TAB2: variants seen among roughly 807,000 people sequenced by gnomAD.
TAB2 encodes the protein TGF-beta-activated kinase 1 and MAP3K7-binding protein 2.
Under a neutral mutation model 65.0 loss-of-function variants are expected in TAB2, and 3 were observed. The ratio of observed to expected loss-of-function variants is 0.05; its 90% confidence interval spans 0.02 to 0.12. TAB2 has a LOEUF of 0.12. Ranked by LOEUF, TAB2 falls within the 10% of genes least tolerant of loss-of-function variation. The pLI, the probability that TAB2 is intolerant of heterozygous loss-of-function variation, is 1.00. For synonymous variants in TAB2, 298 were observed against 285.1 expected, an observed-to-expected ratio of 1.05 and a Z score of -0.46; for missense variants, 623 against 840.3, an observed-to-expected ratio of 0.74 and a Z score of 3.20.
In TAB2 at chr6:149,379,096, C is replaced by T. The variant is rs1303270016; in HGVS notation, c.1181C>T (p.Ala394Val). The T allele has an allele frequency of 6.2e-7, 1 of 1,614,032 alleles. No individual in the cohort carries two copies. Among genetic ancestry groups the T allele is most frequent in the Non-Finnish European group, 8.5e-7 (1 of 1,180,042 alleles). ...QPKVYISANA[A>V]TGDEQVMRNQ... ...AAGGTCTATATTTCAGCGAATGCTG[C>T]CACAGGAGATGAACAGGTCATGCGG... Residue 394 changes from alanine (A) to valine (V), a missense_variant, in exon 3 of 7, where the codon GCC becomes GTC. Transcript: ENST00000637181.
rs180941878 is a variant in TAB2 at position 149,379,665 on chromosome 6, A to T, written c.1603+147A>T. The T allele has an allele frequency of 7.7e-4, 417 of 544,634 alleles. 5 individuals are homozygous for T. Among genetic ancestry groups the T allele is most frequent in the Non-Finnish European group, 4.5e-5 (15 of 334,472 alleles). The allele number at this position is 544,634 out of a possible 1,614,324, so 33.7% of individuals were successfully genotyped here. ...TGTTATTGTAACATTTGAGAGTATT[A>T]TATGTATATACATTTTAATTTTAAT... On this transcript the variant is annotated intron_variant, in intron 3 of 6. Coordinates refer to ENST00000637181, the MANE Select transcript of TAB2 (RefSeq NM_001292034.3).
chr6:149,300,243 T>TA (rs1562405220), intron 1 of TAB2, among the ~76,000 whole-genome samples: 2 of 152,198 alleles, frequency 1.3e-5, no homozygotes, highest in Non-Finnish European at 2.9e-5. Flanking sequence ...ATTCTGATTT[T>TA]AAAAAATTTT....
chr6:149,315,544 TTAATC>T (rs1397679967), upstream of TAB2, among the ~76,000 whole-genome samples: 1 of 152,246 alleles, frequency 6.6e-6, no homozygotes, highest in Non-Finnish European at 1.5e-5. Flanking sequence ...ATACAATTCT[TTAATC>T]TACAGCCCAT....
chr6:149,268,299 C>A (rs1778300470), intron 1 of TAB2, among the ~76,000 whole-genome samples: 1 of 152,094 alleles, frequency 6.6e-6, no homozygotes, highest in Admixed American at 6.6e-5. Context: ...AGCATTCCAG[C>A]AACAAAAAAG....
At chr6:149,274,530 T>C (rs1778419622) in intron 1 of TAB2, among the ~76,000 whole-genome samples, 1 of 152,184 alleles carries the variant, frequency 6.6e-6, no homozygotes, top group Non-Finnish European at 1.5e-5. Context: ...ATGGGATGCC[T>C]AAGAAGTTAC....
chr6:149,282,019 T>G (rs1469496981), intron 1 of TAB2, among the ~76,000 whole-genome samples: 2 of 152,148 alleles, frequency 1.3e-5, no homozygotes, highest in African/African-American at 4.8e-5. Context: ...ACCAGCTGGA[T>G]CGCAGGCATG....
intron 1 of TAB2, among the ~76,000 whole-genome samples, chr6:149,353,315 G>T (rs917962701): frequency 1.3e-5 from 2 of 152,094 alleles, no homozygotes; most frequent in African/African-American, 4.8e-5. Flanking sequence ...TCTTTTACTA[G>T]GTAACGCAGG....
chr6:149,326,169 A>G (rs1196306713), intron 1 of TAB2, among the ~76,000 whole-genome samples: 4 of 152,220 alleles, frequency 2.6e-5, no homozygotes, highest in African/African-American at 7.2e-5. Flanking sequence ...ATAGCATTCA[A>G]TACTAATTAT....
At chr6:149,253,960 AAG>A (rs1374774386) in intron 1 of TAB2, among the ~76,000 whole-genome samples, 1 of 47,088 alleles carries the variant, frequency 2.1e-5, no homozygotes, top group Non-Finnish European at 4.3e-5. Flanking sequence ...AAGAAAGAAA[AAG>A]AAAGAAAGAA....
At chr6:149,387,875 G>A (rs1781855837) in intron 3 of TAB2, among the ~76,000 whole-genome samples, 1 of 152,114 alleles carries the variant, frequency 6.6e-6, no homozygotes, top group African/African-American at 2.4e-5. Flanking sequence ...TGGCTGCATA[G>A]TATTGTGTAC....
At chr6:149,317,520 C>T (rs1779288891), upstream of TAB2, 1 of 156,654 alleles carries the variant, frequency 6.4e-6, no homozygotes, top group South Asian at 1.6e-4. This position sits in a 1 kb window ranked among gnomAD's most constrained non-coding sequence, Gnocchi z 4.7. Flanking sequence ...GCGGTGTTTG[C>T]CGGCCGCCGC....
At chr6:149,383,014 G>T (rs558087054) in intron 3 of TAB2, among the ~76,000 whole-genome samples, 102 of 152,124 alleles carry the variant, frequency 6.7e-4, no homozygotes, top group Middle Eastern at 3.4e-3. Context: ...AATTAGCTGG[G>T]TGTGGTGGCG....
At chr6:149,224,099 C>G (rs541533576) in intron 1 of TAB2, among the ~76,000 whole-genome samples, 1 of 152,286 alleles carries the variant, frequency 6.6e-6, no homozygotes, top group Admixed American at 6.5e-5. Flanking sequence ...ATGTTGGACC[C>G]AGTTCCAAAG....
chr6:149,382,650 C>T lies in TAB2; in HGVS notation c.1603+3132C>T, dbSNP rs140423959. On this transcript the variant is annotated intron_variant, in intron 3 of 6. Transcript: ENST00000637181. ...TTAGAGAAGCCCACAATGTTAACCA[C>T]TATCATATAATGTCTTTCTTTCCAG... Among the ~76,000 whole-genome samples, 7 of 152,142 alleles carry T rather than the reference C, an allele frequency of 4.6e-5. No homozygotes were observed. In the East Asian group the frequency reaches 1.3e-3, roughly 29 times the overall value.
chr6:149,254,033 A>G (rs12195021), intron 1 of TAB2, among the ~76,000 whole-genome samples: 2 of 149,028 alleles, frequency 1.3e-5, no homozygotes, highest in African/African-American at 2.5e-5. Context: ...AAAAGAAAGA[A>G]AGAGAGAAAG....
intron 1 of TAB2, among the ~76,000 whole-genome samples, chr6:149,360,059 A>G (rs1157933498): frequency 6.6e-6 from 1 of 152,198 alleles, no homozygotes; most frequent in Non-Finnish European, 1.5e-5. Flanking sequence ...TATAGTTTGT[A>G]TACTCCGTTT....
intron 6 of TAB2, among the ~76,000 whole-genome samples, chr6:149,401,998 TAA>T (rs147141394): frequency 5.1e-4 from 68 of 134,402 alleles, no homozygotes; most frequent in Admixed American, 1.2e-3. Flanking sequence ...AATACTACAT[TAA>T]AAAAAAAAAA....
At chr6:149,396,206 C>T (rs9404035) in intron 3 of TAB2, among the ~76,000 whole-genome samples, 18,570 of 152,114 alleles carry the variant, frequency 0.12, 1,735 homozygotes, top group East Asian at 0.51. Flanking sequence ...TTAGTAGAAA[C>T]GAGGTTTCAC....
intron 2 of TAB2, among the ~76,000 whole-genome samples, chr6:149,377,070 A>ATT (rs369685969): frequency 0.062 from 5,550 of 89,614 alleles, 253 homozygotes; most frequent in African/African-American, 0.21. Flanking sequence ...AATGTAACTT[A>ATT]TTTTTTTTTT....
Sources: gnomAD v4.1 joint callset for allele counts (sites outside exome capture counted in the v4.1 genomes callset) on GRCh38, gnomAD v4.1.1 for gene constraint, Gnocchi (gnomAD v3.1) non-coding constraint, MANE v1.5 for transcripts, NCBI Gene and HGNC (gene_info 2026-07-23, HGNC 2026-07-21) for gene names.